RAPH1: variants seen among roughly 807,000 people sequenced by gnomAD.
The protein encoded by RAPH1 is Ras association (RalGDS/AF-6) and pleckstrin homology domains 1.
RAPH1 carries 18 observed loss-of-function variants against 88.1 expected under a neutral mutation model. The ratio of observed to expected loss-of-function variants is 0.20; its 90% confidence interval spans 0.14 to 0.30. The LOEUF is 0.30. Ranked by LOEUF, RAPH1 falls within the 10% of genes least tolerant of loss-of-function variation. The pLI, the probability that RAPH1 is intolerant of heterozygous loss-of-function variation, is 1.00. For synonymous variants in RAPH1, 587 were observed against 559.0 expected, an observed-to-expected ratio of 1.05 and a Z score of -0.71; for missense variants, 1,448 against 1,543.2, an observed-to-expected ratio of 0.94 and a Z score of 1.03.
chr2:203,447,294 G>C (rs555002249), intron 12 of RAPH1: 42 of 151,620 alleles, frequency 2.8e-4, no homozygotes, highest in African/African-American at 9.9e-4. Context: ...TATGATCTAG[G>C]GACTGGGTAT....
chr2:203,534,422 G>A (rs1005547006), intron 1 of RAPH1, among the ~76,000 whole-genome samples: 4 of 148,740 alleles, frequency 2.7e-5, no homozygotes, highest in Non-Finnish European at 4.4e-5. Flanking sequence ...GACACCCTAA[G>A]TCACTGCCTT....
chr2:203,448,062 A>G lies in RAPH1; in HGVS notation c.1530T>C (p.Tyr510=). 1 of 1,613,868 alleles carries G rather than the reference A, an allele frequency of 6.2e-7. No individual in the cohort carries two copies. The highest frequency in any genetic ancestry group is 8.5e-7 in the Non-Finnish European group (1 of 1,179,798). Reference sequence around the variant, plus strand: ...TCTTCAAGGCTTCTTGGTAGTTCATATAGAGCTGCTTCCCATACTAAAGAG... The same window carrying G: ...TCTTCAAGGCTTCTTGGTAGTTCATGTAGAGCTGCTTCCCATACTAAAGAG... ...IRIAKYGKQL[Y]MNYQEALKRT... Residue 510 remains tyrosine (Y), a synonymous_variant, in exon 12 of 14, where the codon TAT becomes TAC. Transcript: ENST00000319170. The surrounding 1 kb of genome is among the most constrained non-coding windows in gnomAD (Gnocchi z 4.1).
Position 203,440,943 on chromosome 2 carries a change from G to A in RAPH1, c.2247C>T (p.Ile749=). ...CCTGAGTAATATGCTGAACTTGATG[G>A]ATCTTCAGTGGAGGAGGCGGGGCAC... ...QFSAPPPPLK[I]HQVQHITQVA... is the part of the protein sequence containing the mutation. The change falls in exon 14 of 14, where the codon ATC becomes ATT. Residue 749 remains isoleucine, a synonymous_variant. Coordinates refer to ENST00000319170, the MANE Select transcript of RAPH1 (RefSeq NM_213589.3). 1.3e-6 allele frequency: 2 copies of A among 1,571,806 alleles called. No individual in the cohort carries two copies. The highest frequency in any genetic ancestry group is 8.6e-7 in the Non-Finnish European group (1 of 1,160,546).
At chr2:203,476,001 G>A (rs903622590) in intron 4 of RAPH1, among the ~76,000 whole-genome samples, 1 of 152,018 alleles carries the variant, frequency 6.6e-6, no homozygotes, top group Non-Finnish European at 1.5e-5. Flanking sequence ...ATTTCACTTG[G>A]ACAGTAAAGA....
intron 1 of RAPH1, among the ~76,000 whole-genome samples, chr2:203,534,101 T>C (rs895702671): frequency 2.0e-5 from 3 of 152,164 alleles, no homozygotes; most frequent in Non-Finnish European, 2.9e-5. Flanking sequence ...TCTTTAATAA[T>C]CCGATCACGC....
chr2:203,495,909 T>C (rs1316248953), intron 1 of RAPH1, among the ~76,000 whole-genome samples: 1 of 152,216 alleles, frequency 6.6e-6, no homozygotes. Flanking sequence ...ATCCCATTTG[T>C]CTTCTTTCTC....
At chr2:203,449,031 T>C (rs1306497930) in intron 10 of RAPH1, among the ~76,000 whole-genome samples, 195 bp from the exon 11 acceptor site, 1 of 152,214 alleles carries the variant, frequency 6.6e-6, no homozygotes, top group Non-Finnish European at 1.5e-5. Context: ...AGAAAGAAAC[T>C]TTTGTGAAAT....
intron 12 of RAPH1, chr2:203,447,675 A>G (rs2098511178): frequency 4.8e-6 from 1 of 206,410 alleles, no homozygotes; most frequent in Non-Finnish European, 9.6e-6. Context: ...ATGCATTAAC[A>G]GTGTCCAGCA....
In RAPH1 at chr2:203,497,483, AT is replaced by A. The variant is rs1312963743; in HGVS notation, c.1-2131del. On this transcript the variant is annotated intron_variant, in intron 1 of 13. Coordinates refer to ENST00000319170, the MANE Select transcript of RAPH1 (RefSeq NM_213589.3). The stretch of plus-strand genomic sequence containing the variant: ...TTTCAATCTTATTTCACTATATAAA[AT>A]TTTGCAGAAAGGGTCAAATAATGTT... 4.6e-5 allele frequency among the ~76,000 whole-genome samples: 7 copies of A among 152,278 alleles called. No homozygotes were observed. In the South Asian group the frequency reaches 6.2e-4, roughly 14 times the overall value.
chr2:203,500,495 G>A (rs1186393084), intron 1 of RAPH1, among the ~76,000 whole-genome samples: 6 of 152,134 alleles, frequency 3.9e-5, no homozygotes, highest in Admixed American at 3.9e-4. Flanking sequence ...GTAGGGCAAT[G>A]TTATTCCAAT....
chr2:203,477,246 G>T, intron 4 of RAPH1: 1 of 957,664 alleles, frequency 1.0e-6, no homozygotes, highest in Non-Finnish European at 1.7e-6. Flanking sequence ...AAAGATCAAT[G>T]AAGTGAAACA....
intron 12 of RAPH1, 139 bp from the exon 13 acceptor site, chr2:203,445,149 T>A (rs941512471): frequency 1.1e-5 from 7 of 612,530 alleles, no homozygotes; most frequent in African/African-American, 7.5e-5. Context: ...CATTTCATCA[T>A]AAACACAGCC....
chr2:203,528,896 T>G (rs1690244429), intron 1 of RAPH1, among the ~76,000 whole-genome samples: 1 of 145,488 alleles, frequency 6.9e-6, no homozygotes, highest in African/African-American at 2.6e-5. Flanking sequence ...TATTGGAAAA[T>G]TAGAACAAAT....
chr2:203,491,793 C>A (rs1313546499), intron 2 of RAPH1, among the ~76,000 whole-genome samples: 1 of 152,168 alleles, frequency 6.6e-6, no homozygotes, highest in Non-Finnish European at 1.5e-5. Flanking sequence ...CAGGCGTGAG[C>A]CACCATATCT....
intron 4 of RAPH1, among the ~76,000 whole-genome samples, chr2:203,487,631 C>T (rs1011921501): frequency 2.0e-5 from 3 of 152,090 alleles, no homozygotes; most frequent in East Asian, 1.9e-4. Context: ...GTGATCCGCC[C>T]GCCTCGGCCT....
intron 7 of RAPH1, 48 bp downstream of exon 7, chr2:203,459,859 A>T: frequency 1.3e-6 from 2 of 1,580,680 alleles, no homozygotes; most frequent in South Asian, 2.3e-5. Flanking sequence ...CGAATAAAAT[A>T]GGAGACATAT....
At chr2:203,518,710 T>C (rs779598740) in intron 1 of RAPH1, among the ~76,000 whole-genome samples, 5 of 152,076 alleles carry the variant, frequency 3.3e-5, no homozygotes, top group Non-Finnish European at 5.9e-5. Flanking sequence ...TAGCTGAGTA[T>C]GATAGCATGT....
At chr2:203,496,312 C>T (rs1304711479) in intron 1 of RAPH1, among the ~76,000 whole-genome samples, 1 of 152,160 alleles carries the variant, frequency 6.6e-6, no homozygotes, top group Non-Finnish European at 1.5e-5. Context: ...GAGCCGAGAA[C>T]ATGCCACTGC....
At chr2:203,462,151 A>G (rs903526980) in intron 4 of RAPH1, among the ~76,000 whole-genome samples, 3 of 152,234 alleles carry the variant, frequency 2.0e-5, no homozygotes, top group African/African-American at 7.2e-5. Flanking sequence ...TACATCCAAT[A>G]TTCTAGAGGA....
Sources: allele counts gnomAD v4.1 joint callset (sites outside exome capture counted in the v4.1 genomes callset), GRCh38; gene constraint gnomAD v4.1.1; non-coding constraint Gnocchi (gnomAD v3.1); transcripts MANE v1.5; gene names NCBI Gene and HGNC (gene_info 2026-07-23, HGNC 2026-07-21).